The following NHSL1 variants were observed in gnomAD, a reference collection of about 807,000 sequenced individuals.
NHSL1 encodes NHS-like protein 1.
In NHSL1, 48 loss-of-function variants were observed where a neutral mutation model predicts 95.0. The observed-to-expected ratio is 0.51, with a 90% CI of 0.40 to 0.64. NHSL1 has a LOEUF of 0.64. NHSL1 is among the 30% of genes least tolerant of loss of function. NHSL1 has a pLI of 0.00. For missense variants in NHSL1, 1,971 were observed against 2,077.7 expected, an observed-to-expected ratio of 0.95 and a Z score of 1.00; for synonymous variants, 783 against 833.9, an observed-to-expected ratio of 0.94 and a Z score of 1.05.
At chr6:138,443,431 A>T (rs1431299380) in intron 4 of NHSL1, among the ~76,000 whole-genome samples, 1 of 152,230 alleles carries the variant, frequency 6.6e-6, no homozygotes, top group African/African-American at 2.4e-5. Flanking sequence ...TAAATGGCAC[A>T]TGTGAGGGGC....
At chr6:138,485,044 C>A (rs1259781602) in intron 2 of NHSL1, among the ~76,000 whole-genome samples, 1 of 152,098 alleles carries the variant, frequency 6.6e-6, no homozygotes, top group Admixed American at 6.5e-5. Context: ...TTGAGCACCA[C>A]CAGAGAGAGC....
intron 1 of NHSL1, among the ~76,000 whole-genome samples, chr6:138,691,203 G>A (rs1393961966): frequency 6.6e-6 from 1 of 152,174 alleles, no homozygotes; most frequent in East Asian, 1.9e-4. Context: ...AACCTTATGA[G>A]ATCACTTTGA....
chr6:138,605,585 A>C (rs1393662194), intron 1 of NHSL1, among the ~76,000 whole-genome samples: 1 of 152,198 alleles, frequency 6.6e-6, no homozygotes, highest in African/African-American at 2.4e-5. Context: ...CTCCAGCTTC[A>C]CTCATATTGT....
chr6:138,637,193 T>C (rs953666544), intron 1 of NHSL1, among the ~76,000 whole-genome samples: 3 of 152,036 alleles, frequency 2.0e-5, no homozygotes, highest in Admixed American at 6.6e-5. Flanking sequence ...TGGATATCCA[T>C]AGGCAGAATA....
At chr6:138,622,225 G>A (rs942057211) in intron 1 of NHSL1, among the ~76,000 whole-genome samples, 6 of 152,138 alleles carry the variant, frequency 3.9e-5, no homozygotes, top group African/African-American at 1.2e-4. Context: ...CCTTTTGGCC[G>A]GGCGTGGTGG....
At chr6:138,581,778 T>C (rs926705592) in intron 1 of NHSL1, among the ~76,000 whole-genome samples, 2 of 151,336 alleles carry the variant, frequency 1.3e-5, no homozygotes, top group Non-Finnish European at 2.9e-5. Context: ...TGAGAGGCAG[T>C]GACACTGGGT....
rs998546016 is a variant in NHSL1 at position 138,431,686 on chromosome 6, C to T, written c.2659G>A (p.Glu887Lys). 11 of 1,551,746 alleles carry T rather than the reference C, an allele frequency of 7.1e-6. No individual in the cohort carries two copies. Among genetic ancestry groups the T allele is most frequent in the Non-Finnish European group, 9.6e-6 (11 of 1,147,002 alleles). The change falls in exon 6 of 8, where the codon GAA becomes AAA. Residue 887 changes from glutamate (E) to lysine (K), a missense_variant. By Grantham distance (56) the Glu-to-Lys change is moderately conservative. This residue lies in a region of NHSL1 where 1,602 missense variants were observed against 1,654.5 expected (regional missense o/e 0.97). Coordinates refer to ENST00000343505, the MANE Select transcript of NHSL1 (RefSeq NM_001144060.2). This position sits in a 1 kb window ranked among gnomAD's most constrained non-coding sequence, Gnocchi z 4.0. ...GKGKPKPKVP[E>K]RKSSLISSVS... The stretch of plus-strand genomic sequence containing the variant: ...GAAGATATCAGAGAGGACTTCCTTT[C>T]TGGTACCTTGGGCTTGGGCTTCCCC...
intron 1 of NHSL1, among the ~76,000 whole-genome samples, chr6:138,539,676 G>A (rs1782503722): frequency 6.6e-6 from 1 of 152,206 alleles, no homozygotes; most frequent in Non-Finnish European, 1.5e-5. Flanking sequence ...GAGTTTAACT[G>A]AAATCTTAGC....
At chr6:138,652,669 T>C (rs1319756134) in intron 1 of NHSL1, among the ~76,000 whole-genome samples, 1 of 152,064 alleles carries the variant, frequency 6.6e-6, no homozygotes, top group Non-Finnish European at 1.5e-5. Flanking sequence ...CAAAACAAAT[T>C]AGTTAGATCA....
At chr6:138,574,671 G>GC (rs370618753), upstream of NHSL1, among the ~76,000 whole-genome samples, 2,378 of 117,438 alleles carry the variant, frequency 0.02, 85 homozygotes, top group African/African-American at 0.089. Flanking sequence ...TACAAATAAT[G>GC]CAAAAAAAAA....
At chr6:138,645,961 A>G (rs1422399528) in intron 1 of NHSL1, among the ~76,000 whole-genome samples, 1 of 152,224 alleles carries the variant, frequency 6.6e-6, no homozygotes, top group Non-Finnish European at 1.5e-5. Flanking sequence ...AGTGTATGAT[A>G]TAATCAGCAA....
chr6:138,433,141 C>A lies in NHSL1; in HGVS notation c.1204G>T (p.Val402Phe). The A allele has an allele frequency of 6.4e-7, 1 of 1,551,180 alleles. No individual in the cohort carries two copies. The highest frequency in any genetic ancestry group is 8.7e-7 in the Non-Finnish European group (1 of 1,146,956). The change falls in exon 6 of 8, where the codon GTT becomes TTT. Residue 402 changes from valine to phenylalanine, a missense_variant. Coordinates refer to ENST00000343505, the MANE Select transcript of NHSL1 (RefSeq NM_001144060.2). ...GTGGAGTAGGTTGCATGAGGAGAAA[C>A]CACACACGCTGGGCTCATTATATTT... ...SENIMSPACV[V>F]SPHATYSTSI... is the part of the protein sequence containing the mutation.
At chr6:138,619,459 A>C (rs1383447698) in intron 1 of NHSL1, among the ~76,000 whole-genome samples, 1 of 152,228 alleles carries the variant, frequency 6.6e-6, no homozygotes, top group South Asian at 2.1e-4. Context: ...TTAGAAGTAG[A>C]ACAAAAATCA....
At chr6:138,647,883 G>A (rs1785040188) in intron 1 of NHSL1, among the ~76,000 whole-genome samples, 4 of 152,158 alleles carry the variant, frequency 2.6e-5, no homozygotes, top group Admixed American at 2.6e-4. Context: ...CAAGGCGTGA[G>A]CCACTGCACC....
At chr6:138,689,726 C>T (rs1472951659) in intron 1 of NHSL1, among the ~76,000 whole-genome samples, 1 of 151,942 alleles carries the variant, frequency 6.6e-6, no homozygotes, top group African/African-American at 2.4e-5. Flanking sequence ...AATTAACGGT[C>T]ACAGTTATCC....
chr6:138,566,388 ACT>A lies in NHSL1; in HGVS notation c.202+5320_202+5321del, dbSNP rs550663196. Among the ~76,000 whole-genome samples, 1,051 of 148,602 alleles carry A rather than the reference ACT, an allele frequency of 7.1e-3. 12 individuals are homozygous for A. The highest frequency in any genetic ancestry group is 0.026 in the African/African-American group (1,002 of 38,330). ...ACTCCAGCCTGGGCGACAGAGCAAG[ACT>A]CTGTCTCAAAATCAATCAATCAATC... is the stretch of plus-strand genomic sequence containing the variant. On this transcript the variant is annotated intron_variant, in intron 1 of 6. Coordinates refer to the NHSL1 transcript ENST00000427025.
At chr6:138,538,942 C>A (rs1782470534) in intron 1 of NHSL1, among the ~76,000 whole-genome samples, 1 of 152,102 alleles carries the variant, frequency 6.6e-6, no homozygotes, top group Admixed American at 6.5e-5. Flanking sequence ...TTATCATGCA[C>A]CCCCTCCCCC....
chr6:138,474,846 T>C (rs1032540509), intron 2 of NHSL1, among the ~76,000 whole-genome samples: 2 of 152,198 alleles, frequency 1.3e-5, no homozygotes, highest in Non-Finnish European at 2.9e-5. Context: ...ATAAAGAGTA[T>C]GATTAGAAAC....
At chr6:138,610,946 C>T (rs1034343506) in intron 1 of NHSL1, among the ~76,000 whole-genome samples, 8 of 151,972 alleles carry the variant, frequency 5.3e-5, no homozygotes, top group African/African-American at 1.7e-4. Context: ...GGTGTGTTGG[C>T]GCATGCCTGT....
Sources: gnomAD v4.1 joint callset for allele counts (sites outside exome capture counted in the v4.1 genomes callset) on GRCh38, gnomAD v4.1.1 for gene constraint, gnomAD v4.1.1 regional missense constraint, Gnocchi (gnomAD v3.1) non-coding constraint, MANE v1.5 for transcripts, NCBI Gene and HGNC (gene_info 2026-07-23, HGNC 2026-07-21) for gene names.